The following GALNT9 variants were observed in gnomAD, a reference collection of about 807,000 sequenced individuals.
The protein encoded by GALNT9 is polypeptide N-acetylgalactosaminyltransferase 9.
A neutral mutation model predicts 63.1 loss-of-function variants in GALNT9; 47 were observed. The ratio of observed to expected loss-of-function variants is 0.75; its 90% CI spans 0.59 to 0.95. The LOEUF is 0.95. Among genes scored for constraint, GALNT9 ranks in the 40% least tolerant of loss-of-function variants. GALNT9 has a pLI of 0.00. For missense variants in GALNT9, 829 were observed against 874.8 expected (o/e 0.95, Z 0.66); for synonymous variants, 396 against 365.7 (o/e 1.08, Z -0.94).
chr12:132,200,518 T>G (rs1178631575), intron 8 of GALNT9: 1 of 152,520 alleles, frequency 6.6e-6, no homozygotes, highest in Admixed American at 6.5e-5. Context: ...CACATTATTT[T>G]GCTTGATAAC....
chr12:132,253,702 C>T (rs2135538671), intron 5 of GALNT9, among the ~76,000 whole-genome samples: 1 of 152,292 alleles, frequency 6.6e-6, no homozygotes, highest in African/African-American at 2.4e-5. Context: ...GCCTCGGCAC[C>T]TAGGTAATCC....
At position 132,199,374 on chromosome 12, in the gene GALNT9, G is replaced by A. The variant is rs1446900204; in HGVS notation, c.1402-105C>T. ...AGCCAGCACCTAAGGAGGTGCCCGC[G>A]GGAGGAGGAGGGGGCGTGTGGGATG... On this transcript the variant is annotated intron_variant, in intron 8 of 10. Coordinates refer to ENST00000328957, the MANE Select transcript of GALNT9 (RefSeq NM_001122636.2). The A allele has an allele frequency of 4.9e-5, 38 of 771,344 alleles. 1 individual carries two copies. The highest frequency in any genetic ancestry group is 6.9e-5 in the Non-Finnish European group (32 of 465,354). The allele number at this position is 771,344 out of a possible 1,614,324, so 47.8% of individuals were successfully genotyped here.
chr12:132,310,549 C>T lies in GALNT9; in HGVS notation c.238+18417G>A, dbSNP rs1881777278. Among the ~76,000 whole-genome samples the T allele has an allele frequency of 6.6e-6, 1 of 152,186 alleles. No homozygotes were observed. The highest frequency in any genetic ancestry group is 2.1e-4 in the South Asian group (1 of 4,832). On this transcript the variant is annotated intron_variant, in intron 1 of 10. Coordinates refer to ENST00000328957, the MANE Select transcript of GALNT9 (RefSeq NM_001122636.2). This position sits in a 1 kb window ranked among gnomAD's most constrained non-coding sequence, Gnocchi z 4.8. ...CCCTGAAGAGTCATTTCACACTTGG[C>T]CGCCTGCTTTCCCAGCACACGATAC...
rs1868684603 is a variant in GALNT9 at position 132,319,589 on chromosome 12, T to A, written c.238+9377A>T. On this transcript the variant is annotated intron_variant, in intron 1 of 10. Coordinates refer to ENST00000328957, the MANE Select transcript of GALNT9 (RefSeq NM_001122636.2). This position sits in a 1 kb window ranked among gnomAD's most constrained non-coding sequence, Gnocchi z 5.2. ...CACCCTACATCTCCTCTTGGGTCTC[T>A]CTCTATCCGCCGGCTCCTTTCCTCG... Among the ~76,000 whole-genome samples, 1 of 152,066 alleles carries A rather than the reference T, an allele frequency of 6.6e-6. No homozygotes were observed. Among genetic ancestry groups the A allele is most frequent in the Admixed American group, 6.5e-5 (1 of 15,268 alleles).
Position 132,316,037 on chromosome 12 carries a change from G to A in GALNT9, c.238+12929C>T, listed in dbSNP as rs1159639021. On this transcript the variant is annotated intron_variant, in intron 1 of 10. Transcript: ENST00000328957. The surrounding 1 kb of genome is among the most constrained non-coding windows in gnomAD (Gnocchi z 4.3). Reference sequence around the variant, plus strand: ...CAGGCAGGCAGCCCCCGAAACGGCCGCCCACCCCCTCACGCCTGCAGGTCT... The same window carrying A: ...CAGGCAGGCAGCCCCCGAAACGGCCACCCACCCCCTCACGCCTGCAGGTCT... Among the ~76,000 whole-genome samples, 2 of 152,158 alleles carry A rather than the reference G, an allele frequency of 1.3e-5. No homozygotes were observed. Among genetic ancestry groups the A allele is most frequent in the African/African-American group, 2.4e-5 (1 of 41,444 alleles).
chr12:132,323,086 C>T (rs1868877746), intron 1 of GALNT9, among the ~76,000 whole-genome samples: 1 of 152,242 alleles, frequency 6.6e-6, no homozygotes, highest in Admixed American at 6.5e-5. Context: ...CTGCTGACCA[C>T]ACGGGTCTCA....
chr12:132,197,266 G>T lies in GALNT9; in HGVS notation c.1666-13C>A. The T allele has an allele frequency of 1.2e-6, 2 of 1,610,100 alleles. No homozygotes were observed. Among genetic ancestry groups the T allele is most frequent in the Non-Finnish European group, 1.7e-6 (2 of 1,179,746 alleles). ...CAATGGGGCCACTCTGTGGGGACAG[G>T]CACATCAAGTCAGCCAGGTGCAGGC... On this transcript the variant is annotated splice_polypyrimidine_tract_variant and intron_variant, in intron 10 of 10. Coordinates refer to ENST00000328957, the MANE Select transcript of GALNT9 (RefSeq NM_001122636.2).
At chr12:132,197,761 A>ACCCCCCCCCC in intron 10 of GALNT9, 31 bp downstream of exon 10, 1 of 1,426,296 alleles carries the variant, frequency 7.0e-7, no homozygotes, top group Non-Finnish European at 9.6e-7. Context: ...CCCCGCCCCA[A>ACCCCCCCCCC]CCCCACGGCC....
intron 8 of GALNT9, 144 bp downstream of exon 8, chr12:132,200,980 G>A (rs1194718366): frequency 2.6e-6 from 2 of 765,096 alleles, no homozygotes; most frequent in Non-Finnish European, 4.2e-6. Context: ...CGGAAGGCCT[G>A]TCGGGCCGAG....
At chr12:132,254,629 T>G (rs1260562702) in intron 5 of GALNT9, among the ~76,000 whole-genome samples, 1 of 152,138 alleles carries the variant, frequency 6.6e-6, no homozygotes, top group Non-Finnish European at 1.5e-5. Flanking sequence ...CCAGGGTGAG[T>G]TTTGACAGAC....
rs932941780 is a variant in GALNT9 at position 132,203,029 on chromosome 12, G to A, written c.1263+476C>T. ...GTGGACGTGACTCAGCCATGGTGGG[G>A]GTGACCTGGAAAAGGTGGCGCTGAG... On this transcript the variant is annotated intron_variant, in intron 7 of 10. Coordinates refer to ENST00000328957, the MANE Select transcript of GALNT9 (RefSeq NM_001122636.2). Among the ~76,000 whole-genome samples the A allele has an allele frequency of 5.3e-5, 8 of 152,172 alleles. No individual in the cohort carries two copies. In the East Asian group the frequency reaches 7.7e-4, roughly 15 times the overall value.
Position 132,237,584 on chromosome 12 carries a change from C to T in GALNT9, c.1077+10326G>A, listed in dbSNP as rs141069189. Among the ~76,000 whole-genome samples the T allele has an allele frequency of 9.2e-3, 1,395 of 152,220 alleles. 22 individuals are homozygous for T. The highest frequency in any genetic ancestry group is 0.032 in the African/African-American group (1,321 of 41,504). On this transcript the variant is annotated intron_variant, in intron 6 of 10. Transcript: ENST00000328957. ...ATATACCTGCTCACACCTGCTAACA[C>T]CTGCCAGTAACTGCTCACACCACAC...
rs895574456 is a variant in GALNT9 at position 132,310,738 on chromosome 12, C to T, written c.238+18228G>A. 4.6e-5 allele frequency among the ~76,000 whole-genome samples: 7 copies of T among 152,084 alleles called. No homozygotes were observed. The highest frequency in any genetic ancestry group is 7.4e-5 in the Non-Finnish European group (5 of 68,010). On this transcript the variant is annotated intron_variant, in intron 1 of 10. Transcript: ENST00000328957. This position sits in a 1 kb window ranked among gnomAD's most constrained non-coding sequence, Gnocchi z 4.8. ...GAGAGGCGGCCGGGCACAAGATAAT[C>T]GGGGAGGAAGGGGCAGAGGGAGCGC...
intron 8 of GALNT9, chr12:132,200,844 G>A: frequency 4.4e-6 from 2 of 449,658 alleles, no homozygotes; most frequent in Non-Finnish European, 8.1e-6. Flanking sequence ...AGGTCCATGT[G>A]AAGGAATGGG....
intron 6 of GALNT9, among the ~76,000 whole-genome samples, chr12:132,210,120 G>A (rs1040680150): frequency 6.6e-6 from 1 of 152,164 alleles, no homozygotes; most frequent in African/African-American, 2.4e-5. Flanking sequence ...GCCAGAGATG[G>A]GAAAACAGGA....
intron 1 of GALNT9, among the ~76,000 whole-genome samples, chr12:132,300,232 G>C (rs1375948979): frequency 1.1e-4 from 13 of 117,510 alleles, no homozygotes; most frequent in South Asian, 2.8e-4. Flanking sequence ...CCAAGCCACT[G>C]CTGAGATAAC....
At chr12:132,197,761 A>ACC in intron 10 of GALNT9, 31 bp downstream of exon 10, 2 of 1,426,288 alleles carry the variant, frequency 1.4e-6, no homozygotes, top group African/African-American at 1.4e-5. Context: ...CCCCGCCCCA[A>ACC]CCCCACGGCC....
intron 1 of GALNT9, among the ~76,000 whole-genome samples, chr12:132,288,578 G>A (rs1426953483): frequency 6.6e-6 from 1 of 152,286 alleles, no homozygotes; most frequent in Non-Finnish European, 1.5e-5. Context: ...TTGGCCGCCT[G>A]GCCAGAGGGT....
intron 6 of GALNT9, among the ~76,000 whole-genome samples, chr12:132,225,146 C>G (rs1877602083): frequency 7.1e-6 from 1 of 141,514 alleles, no homozygotes; most frequent in Admixed American, 7.1e-5. Context: ...ACCTCACACA[C>G]TGTACACACC....
Sources: gnomAD v4.1 joint callset for allele counts (sites outside exome capture counted in the v4.1 genomes callset) on GRCh38, gnomAD v4.1.1 for gene constraint, Gnocchi (gnomAD v3.1) non-coding constraint, MANE v1.5 for transcripts, NCBI Gene and HGNC (gene_info 2026-07-23, HGNC 2026-07-21) for gene names.